Variants in NRAP observed in about 807,000 individuals in gnomAD.
NRAP encodes the protein nebulin-related-anchoring protein.
NRAP carries 189 observed loss-of-function variants against 225.9 expected under a neutral mutation model. That is an observed-to-expected ratio of 0.84 (90% CI 0.74 to 0.94). NRAP has a LOEUF of 0.94. Ranked by LOEUF, NRAP falls within the 40% of genes least tolerant of loss-of-function variation. NRAP has a pLI of 0.00. For synonymous variants in NRAP, 769 were observed against 790.7 expected, an observed-to-expected ratio of 0.97 and a Z score of 0.46; for missense variants, 2,176 against 2,168.7, an observed-to-expected ratio of 1.00 and a Z score of -0.07.
At chr10:113,613,824 T>C (rs1847472995) in intron 29 of NRAP, among the ~76,000 whole-genome samples, 2 of 152,140 alleles carry the variant, frequency 1.3e-5, no homozygotes, top group Admixed American at 1.3e-4. Context: ...TTAACACTTT[T>C]ATATAAAATT....
Position 113,617,529 on chromosome 10 carries a change from C to T in NRAP, c.2899G>A (p.Ala967Thr). Reference sequence around the variant, plus strand: ...TCTTTAATACTGGTAAACTTCAAAGCATCTGGATGCTGACGGTACTTCTTC... The same window carrying T: ...TCTTTAATACTGGTAAACTTCAAAGTATCTGGATGCTGACGGTACTTCTTC... Reference protein sequence around the residue: ...SEKKYRQHPDALKFTSIKDTP... With the variant: ...SEKKYRQHPDTLKFTSIKDTP... Residue 967 changes from alanine (A) to threonine (T), a missense_variant, in exon 26 of 42, where the codon GCT becomes ACT. Physicochemically the swap from Ala to Thr is moderately conservative, Grantham distance 58. Around this residue, in one of 3 missense-constraint regions of NRAP, gnomAD observed 1,708 missense variants for 1,695.5 expected, o/e 1.01. Coordinates refer to ENST00000359988, the MANE Select transcript of NRAP (RefSeq NM_198060.4). 6.2e-7 allele frequency: 1 copy of T among 1,611,776 alleles called. No homozygotes were observed. Among genetic ancestry groups the T allele is most frequent in the Non-Finnish European group, 8.5e-7 (1 of 1,177,922 alleles).
chr10:113,621,486 C>G lies in NRAP; in HGVS notation c.2769+383G>C, dbSNP rs137969817. Among the ~76,000 whole-genome samples the G allele has an allele frequency of 1.6e-3, 243 of 152,190 alleles. 3 individuals are homozygous for G. The highest frequency in any genetic ancestry group is 5.6e-3 in the African/African-American group (231 of 41,532). ...GAAAGGGTTATTGAAAATTAGCAAC[C>G]CACCCATTCCAAAAATGGGGACTAT... On this transcript the variant is annotated intron_variant, in intron 24 of 41. Transcript: ENST00000359988.
chr10:113,593,627 G>A (rs2133832047), intron 38 of NRAP, among the ~76,000 whole-genome samples: 1 of 152,346 alleles, frequency 6.6e-6, no homozygotes, highest in East Asian at 1.9e-4. Flanking sequence ...TCATCATTGA[G>A]TTTAGCAGTT....
intron 35 of NRAP, among the ~76,000 whole-genome samples, chr10:113,598,779 C>T (rs1409455263): frequency 2.0e-5 from 3 of 152,210 alleles, no homozygotes; most frequent in African/African-American, 4.8e-5. Flanking sequence ...CCACCTCCTC[C>T]CACTGTTACT....
At chr10:113,599,326 G>A (rs1189603265) in intron 35 of NRAP, among the ~76,000 whole-genome samples, 1 of 152,160 alleles carries the variant, frequency 6.6e-6, no homozygotes, top group Non-Finnish European at 1.5e-5. Flanking sequence ...AGGCTCAGGA[G>A]CAGGTTTCAA....
Position 113,641,261 on chromosome 10 carries a change from A to G in NRAP, c.1323+104T>C, listed in dbSNP as rs1357860671. 4 of 687,524 alleles carry G rather than the reference A, an allele frequency of 5.8e-6. No individual in the cohort carries two copies. In the East Asian group the frequency reaches 1.1e-4, roughly 18 times the overall value. The allele number at this position is 687,524 out of a possible 1,614,324, so 42.6% of individuals were successfully genotyped here. On this transcript the variant is annotated intron_variant, in intron 13 of 41. Transcript: ENST00000359988. ...GGTCAGTCTTTACACAGTCTTTAAA[A>G]TAGAAGACAGATTTTTTTTTAAGGG...
intron 22 of NRAP, among the ~76,000 whole-genome samples, chr10:113,623,992 T>C (rs1473327036): frequency 6.6e-6 from 1 of 152,136 alleles, no homozygotes; most frequent in Non-Finnish European, 1.5e-5. Context: ...CACCCCACCC[T>C]GCCAGCAGCG....
At chr10:113,616,559 G>A (rs2133957518) in intron 26 of NRAP, among the ~76,000 whole-genome samples, 1 of 152,318 alleles carries the variant, frequency 6.6e-6, no homozygotes, top group South Asian at 2.1e-4. Context: ...GGCTGATTAT[G>A]AAGAAGTTAT....
rs1267243758 is a variant in NRAP, at chr10:113,620,521, G to C, written c.2874+83C>G. On this transcript the variant is annotated intron_variant, in intron 25 of 41. Transcript: ENST00000359988. ...GGCTTTGCCTTTTTCTTTGCCTTTT[G>C]AGTGGAAATTATTTTAATTTTATAC... 4 of 986,620 alleles carry C rather than the reference G, an allele frequency of 4.1e-6. No individual in the cohort carries two copies. The East Asian group carries it at 7.2e-5, about 18-fold the overall frequency. The allele number at this position is 986,620 out of a possible 1,614,324, so 61.1% of individuals were successfully genotyped here.
chr10:113,627,840 T>C (rs73354061), intron 20 of NRAP, among the ~76,000 whole-genome samples: 1,928 of 152,306 alleles, frequency 0.013, 34 homozygotes, highest in African/African-American at 0.043. Context: ...AATCATACCA[T>C]CTAATCACAG....
At chr10:113,604,959 G>A (rs577180830) in intron 34 of NRAP, 39 bp from the exon 35 acceptor site, 28 of 1,578,492 alleles carry the variant, frequency 1.8e-5, no homozygotes, top group East Asian at 1.4e-4. Context: ...CTATCTGTGC[G>A]TTTTCATTGC....
chr10:113,615,967 C>A, intron 26 of NRAP, 151 bp from the exon 27 acceptor site: 1 of 641,930 alleles, frequency 1.6e-6, no homozygotes, highest in Non-Finnish European at 2.9e-6. Flanking sequence ...GATTTTACAG[C>A]TAGCACGGTG....
At chr10:113,623,267 G>A (rs1405776680) in intron 23 of NRAP, among the ~76,000 whole-genome samples, 4 of 152,184 alleles carry the variant, frequency 2.6e-5, no homozygotes, top group Non-Finnish European at 5.9e-5. Flanking sequence ...TCTGTAAAGC[G>A]AGAAATTTGG....
At chr10:113,604,491 G>T (rs1483964527) in intron 35 of NRAP, 118 bp downstream of exon 35, 1 of 761,814 alleles carries the variant, frequency 1.3e-6, no homozygotes, top group Non-Finnish European at 2.1e-6. Flanking sequence ...ATTGTTTGGG[G>T]AAGGCAGATA....
rs1849370827 is a variant in NRAP at position 113,644,179 on chromosome 10, G to GT, written c.1111-1142dup. ...AAAAAAAAAAAAAAAAGGCCAAAAT[G>GT]TTAACAGTGTTATTCCTGGGTGGTA... On this transcript the variant is annotated intron_variant, in intron 11 of 41. Transcript: ENST00000359988. 2.4e-5 allele frequency among the ~76,000 whole-genome samples: 3 copies of GT among 124,120 alleles called. No individual in the cohort carries two copies. In the Admixed American group the frequency reaches 2.5e-4, roughly 10 times the overall value. The allele number at this position is 124,120 out of a possible 152,430, so 81.4% of individuals were successfully genotyped here.
At chr10:113,654,257 G>T in intron 4 of NRAP, 132 bp from the exon 5 acceptor site, 3 of 585,864 alleles carry the variant, frequency 5.1e-6, no homozygotes, top group Middle Eastern at 2.7e-4. Context: ...TCAGCTAACT[G>T]AAATGTTCAT....
At chr10:113,593,998 T>C (rs1463731293) in intron 38 of NRAP, among the ~76,000 whole-genome samples, 8 of 152,180 alleles carry the variant, frequency 5.3e-5, no homozygotes. Flanking sequence ...CTGTGTACTA[T>C]TTGCTTGGTT....
chr10:113,635,865 G>A (rs1178570995), intron 14 of NRAP, among the ~76,000 whole-genome samples: 1 of 152,146 alleles, frequency 6.6e-6, no homozygotes, highest in Admixed American at 6.5e-5. Context: ...TTTATTTCTT[G>A]AACAAACTGT....
At chr10:113,624,433 T>C (rs1035077184) in intron 22 of NRAP, among the ~76,000 whole-genome samples, 1 of 152,168 alleles carries the variant, frequency 6.6e-6, no homozygotes. Context: ...ATGGGACACC[T>C]GGAAACAAAG....
Sources: gnomAD v4.1 joint callset for allele counts (sites outside exome capture counted in the v4.1 genomes callset) on GRCh38, gnomAD v4.1.1 for gene constraint, gnomAD v4.1.1 regional missense constraint, MANE v1.5 for transcripts, NCBI Gene and HGNC (gene_info 2026-07-23, HGNC 2026-07-21) for gene names.